Variants in CDA observed in about 807,000 individuals in gnomAD.
CDA encodes cytidine deaminase, also known as cytidine aminohydrolase.
In CDA, 7 loss-of-function variants were observed where a neutral mutation model predicts 15.0. The ratio of observed to expected loss-of-function variants is 0.47; its 90% CI spans 0.26 to 0.87. The LOEUF is 0.87. CDA is among the 40% of genes least tolerant of loss of function. CDA has a pLI of 0.15. For synonymous variants in CDA, 58 were observed against 73.0 expected (o/e 0.79, Z 1.05); for missense variants, 159 against 182.7 (o/e 0.87, Z 0.75).
intron 1 of CDA, among the ~76,000 whole-genome samples, chr1:20,600,374 G>C (rs1188707976): frequency 6.6e-6 from 1 of 152,136 alleles, no homozygotes; most frequent in Non-Finnish European, 1.5e-5. Flanking sequence ...ACTGTAATCT[G>C]GGAGAGAGGC....
chr1:20,601,242 C>T (rs1336560656), intron 1 of CDA, among the ~76,000 whole-genome samples: 2 of 152,140 alleles, frequency 1.3e-5, no homozygotes, highest in Non-Finnish European at 2.9e-5. Flanking sequence ...AACATGGCGG[C>T]CCACACTCAG....
chr1:20,597,837 A>G (rs72649191), intron 1 of CDA, among the ~76,000 whole-genome samples: 20,052 of 151,750 alleles, frequency 0.13, 1,373 homozygotes, highest in Admixed American at 0.17. Context: ...ACAAAATTGC[A>G]CAGCATTTCA....
At chr1:20,603,708 C>T (rs1456508033) in intron 1 of CDA, among the ~76,000 whole-genome samples, 2 of 152,178 alleles carry the variant, frequency 1.3e-5, no homozygotes, top group Non-Finnish European at 1.5e-5. Context: ...CTCCTATCTC[C>T]GCCTCAGGGA....
At chr1:20,595,819 C>G (rs2052587096) in intron 1 of CDA, among the ~76,000 whole-genome samples, 1 of 133,730 alleles carries the variant, frequency 7.5e-6, no homozygotes, top group Admixed American at 8.3e-5. Context: ...CAGCCCAGCC[C>G]GGGCAACAGA....
At chr1:20,607,827 C>T (rs911358198) in intron 2 of CDA, among the ~76,000 whole-genome samples, 2 of 152,182 alleles carry the variant, frequency 1.3e-5, no homozygotes, top group Admixed American at 6.5e-5. Flanking sequence ...GAAGTACCAG[C>T]TCCCTTGTTA....
At chr1:20,589,417 C>A in intron 1 of CDA, 134 bp downstream of exon 1, 2 of 871,136 alleles carry the variant, frequency 2.3e-6, no homozygotes, top group Non-Finnish European at 3.6e-6. Context: ...CCAGTCTCCG[C>A]TGGAATGTTC....
intron 3 of CDA, among the ~76,000 whole-genome samples, chr1:20,615,076 G>A (rs1006117997): frequency 6.6e-6 from 1 of 152,016 alleles, no homozygotes; most frequent in Non-Finnish European, 1.5e-5. Context: ...TGGCCAGGAT[G>A]GTCTTGAACT....
At chr1:20,591,821 C>T (rs1008637008) in intron 1 of CDA, among the ~76,000 whole-genome samples, 3 of 151,160 alleles carry the variant, frequency 2.0e-5, no homozygotes, top group Admixed American at 6.6e-5. Flanking sequence ...TCAGCTCATA[C>T]ATTTTATTTA....
chr1:20,597,272 C>A (rs189385130), intron 1 of CDA, among the ~76,000 whole-genome samples: 147 of 152,206 alleles, frequency 9.7e-4, no homozygotes, highest in African/African-American at 3.3e-3. Flanking sequence ...CATGGTGAAA[C>A]CCCATCTCTA....
At chr1:20,590,662 C>T (rs2052539430) in intron 1 of CDA, among the ~76,000 whole-genome samples, 3 of 152,224 alleles carry the variant, frequency 2.0e-5, no homozygotes, top group Non-Finnish European at 4.4e-5. Context: ...ATCTGCCTCT[C>T]CCTTGGGACT....
chr1:20,595,152 C>T (rs757692071), intron 1 of CDA, among the ~76,000 whole-genome samples: 3 of 152,166 alleles, frequency 2.0e-5, no homozygotes, highest in Non-Finnish European at 2.9e-5. Context: ...ACAGTGGTCT[C>T]TCTCCCTCTT....
Position 20,593,278 on chromosome 1 carries a change from G to A in CDA, c.154+3995G>A, listed in dbSNP as rs559639152. ...AGTATTCGAAGCTACAATGGAGTGA[G>A]CTCACTAAGGACTTCATTTAGATGA... On this transcript the variant is annotated intron_variant, in intron 1 of 3. Coordinates refer to ENST00000375071, the MANE Select transcript of CDA (RefSeq NM_001785.3). Among the ~76,000 whole-genome samples, 6 of 152,228 alleles carry A rather than the reference G, an allele frequency of 3.9e-5. No individual in the cohort carries two copies. The South Asian group carries it at 1.0e-3, about 26-fold the overall frequency.
At chr1:20,608,639 G>A (rs1282566023) in intron 2 of CDA, among the ~76,000 whole-genome samples, 1 of 152,130 alleles carries the variant, frequency 6.6e-6, no homozygotes, top group Non-Finnish European at 1.5e-5. Flanking sequence ...CGAACTTCTG[G>A]CCTCAAGTGA....
At chr1:20,596,798 T>C (rs1458803389) in intron 1 of CDA, among the ~76,000 whole-genome samples, 1 of 146,972 alleles carries the variant, frequency 6.8e-6, no homozygotes. Context: ...TCTCACTCTG[T>C]TGCCCAGTCT....
chr1:20,594,788 C>CAA (rs60698295), intron 1 of CDA, among the ~76,000 whole-genome samples: 10,360 of 121,416 alleles, frequency 0.085, 565 homozygotes, highest in East Asian at 0.15. Context: ...GACGCCATCT[C>CAA]AAAAAAAAAA....
chr1:20,613,129 G>GCCT (rs1015993617), intron 2 of CDA, among the ~76,000 whole-genome samples: 1 of 151,974 alleles, frequency 6.6e-6, no homozygotes, highest in Non-Finnish European at 1.5e-5. Context: ...CAGGACACAT[G>GCCT]CCTCCTCCTC....
chr1:20,600,753 C>CAAAAAAAAA (rs5772908), intron 1 of CDA, among the ~76,000 whole-genome samples: 1 of 121,128 alleles, frequency 8.3e-6, no homozygotes, highest in Non-Finnish European at 1.7e-5. Context: ...GACTCTGTCT[C>CAAAAAAAAA]AAAAAAAAAA....
chr1:20,590,751 G>A (rs927304901), intron 1 of CDA, among the ~76,000 whole-genome samples: 6 of 152,202 alleles, frequency 3.9e-5, no homozygotes, highest in Admixed American at 3.3e-4. Flanking sequence ...GCACCTGCCT[G>A]GCTCAGAACA....
At chr1:20,590,492 C>T (rs372854738) in intron 1 of CDA, among the ~76,000 whole-genome samples, 3 of 152,340 alleles carry the variant, frequency 2.0e-5, no homozygotes, top group East Asian at 3.9e-4. Context: ...CAACTCACAA[C>T]ATTGCAGAAT....
Sources: gnomAD v4.1 joint callset for allele counts (sites outside exome capture counted in the v4.1 genomes callset) on GRCh38, gnomAD v4.1.1 for gene constraint, MANE v1.5 for transcripts, NCBI Gene and HGNC (gene_info 2026-07-23, HGNC 2026-07-21) for gene names.